FBXO31: variants seen among roughly 807,000 people sequenced by gnomAD.
The protein encoded by FBXO31 is F-box only protein 31.
In FBXO31, 24 loss-of-function variants were observed where a neutral mutation model predicts 54.4. The ratio of observed to expected loss-of-function variants is 0.44; its 90% CI spans 0.32 to 0.62. The LOEUF (loss-of-function observed/expected upper bound fraction) is 0.62. FBXO31 is among the 20% of genes least tolerant of loss of function. FBXO31 has a pLI of 0.05. For missense variants in FBXO31, 665 were observed against 787.1 expected (o/e 0.84, Z 1.86); for synonymous variants, 388 against 335.6 (o/e 1.16, Z -1.71).
chr16:87,350,008 C>T (rs1043848554), intron 2 of FBXO31, among the ~76,000 whole-genome samples: 2 of 152,188 alleles, frequency 1.3e-5, no homozygotes, highest in Non-Finnish European at 2.9e-5. Context: ...GTAATCCCAT[C>T]ACTCAGAGAC....
intron 2 of FBXO31, among the ~76,000 whole-genome samples, chr16:87,354,381 A>G (rs1276943619): frequency 1.3e-5 from 2 of 152,026 alleles, no homozygotes; most frequent in Non-Finnish European, 2.9e-5. Context: ...AGCTGAGGTC[A>G]GTCATCTGAG....
intron 1 of FBXO31, among the ~76,000 whole-genome samples, chr16:87,368,868 C>G (rs999396039): frequency 2.5e-4 from 38 of 152,250 alleles, no homozygotes; most frequent in Non-Finnish European, 4.7e-4. Context: ...GGCACCATCT[C>G]GGCTCACTGC....
chr16:87,383,655 C>G lies in FBXO31; in HGVS notation c.90G>C (p.Ala30=). ...GGTCTGTGTCCGGCTCGCTGTCGGC[C>G]GCCGCCGTCTCGGCCGGGCCCCGGC... The part of the protein sequence containing the change: ...QQRRGPAETA[A]ADSEPDTDPE... Residue 30 remains alanine, a synonymous_variant, in exon 1 of 9, where the codon GCG becomes GCC. Transcript: ENST00000311635. The surrounding 1 kb of genome is among the most constrained non-coding windows in gnomAD (Gnocchi z 4.9). 6.7e-6 allele frequency: 9 copies of G among 1,337,888 alleles called. No homozygotes were observed. Among genetic ancestry groups the G allele is most frequent in the Admixed American group, 3.6e-5 (1 of 28,150 alleles). 82.9% of individuals were successfully genotyped at this position (1,337,888 alleles called of 1,614,324 possible).
At chr16:87,332,428 G>A (rs953232507) in intron 8 of FBXO31, among the ~76,000 whole-genome samples, 3 of 152,212 alleles carry the variant, frequency 2.0e-5, no homozygotes, top group Non-Finnish European at 4.4e-5. Flanking sequence ...GCTGTGACTC[G>A]CAAACTGGCT....
upstream of FBXO31, among the ~76,000 whole-genome samples, chr16:87,390,598 AC>A (rs1907498101): frequency 6.6e-6 from 1 of 150,760 alleles, no homozygotes; most frequent in Non-Finnish European, 1.5e-5. Context: ...CTGCCACCAC[AC>A]CCGGCTAATT....
chr16:87,367,834 G>A (rs539837854), intron 1 of FBXO31: 1 of 152,234 alleles, frequency 6.6e-6, no homozygotes, highest in African/African-American at 2.4e-5. Context: ...TCATAAGCCA[G>A]TCCTCTGCAA....
rs545639145 is a variant in FBXO31, at chr16:87,342,017, G to T, written c.732+860C>A. Among the ~76,000 whole-genome samples, 4 of 152,300 alleles carry T rather than the reference G, an allele frequency of 2.6e-5. No individual in the cohort carries two copies. In the South Asian group the frequency reaches 8.3e-4, roughly 32 times the overall value. On this transcript the variant is annotated intron_variant, in intron 5 of 8. Coordinates refer to ENST00000311635, the MANE Select transcript of FBXO31 (RefSeq NM_024735.5). ...GCTTGAGCCCAGGAGTTTGTGACCA[G>T]CCTGGGCAACATGGCATAACCCCGT...
rs769093772 is a variant in FBXO31 at position 87,347,179 on chromosome 16, C to T, written c.484G>A (p.Val162Met). 1.2e-6 allele frequency: 2 copies of T among 1,613,972 alleles called. No homozygotes were observed. Among genetic ancestry groups the T allele is most frequent in the Non-Finnish European group, 1.7e-6 (2 of 1,179,968 alleles). Residue 162 changes from valine to methionine, a missense_variant, in exon 3 of 9, where the codon GTG (valine) becomes ATG (methionine). By Grantham distance (21) the Val-to-Met change is conservative. This residue lies in a region of FBXO31 where 234 missense variants were observed against 346.8 expected (regional missense o/e 0.67). Transcript: ENST00000311635. ...CGCGAGGCTCCGGGACTTACCACCA[C>T]GTTCAGCAGTCCTCCGTATGGCCCG... ...DIGPYGGLLN[V>M]VVDGLFIIGW...
At chr16:87,357,916 CAA>C (rs796716025) in intron 2 of FBXO31, among the ~76,000 whole-genome samples, 1 of 132,570 alleles carries the variant, frequency 7.5e-6, no homozygotes, top group Non-Finnish European at 1.6e-5. Context: ...GACTCTGCCT[CAA>C]AAAAAAAAAA....
intron 1 of FBXO31, among the ~76,000 whole-genome samples, chr16:87,373,888 T>C (rs1457151487): frequency 6.6e-6 from 1 of 152,226 alleles, no homozygotes; most frequent in Admixed American, 6.5e-5. Flanking sequence ...ATTTTTATCA[T>C]ACAGATCAAA....
At chr16:87,350,794 AG>A (rs1219945764) in intron 2 of FBXO31, among the ~76,000 whole-genome samples, 2 of 151,572 alleles carry the variant, frequency 1.3e-5, no homozygotes, top group Non-Finnish European at 2.9e-5. Context: ...TTTAAGTGCT[AG>A]GAACACTGCC....
rs74711286 is a variant in FBXO31, at chr16:87,363,632, G to A, written c.341-3266C>T. On this transcript the variant is annotated intron_variant, in intron 1 of 8. Coordinates refer to ENST00000311635, the MANE Select transcript of FBXO31 (RefSeq NM_024735.5). The stretch of plus-strand genomic sequence containing the variant: ...CCAGGGTGACTGGCAAGAATGGCAG[G>A]AATAAATAGTTTTTTAATGAAAATC... Among the ~76,000 whole-genome samples, 3 of 119,658 alleles carry A rather than the reference G, an allele frequency of 2.5e-5. No individual in the cohort carries two copies. The East Asian group carries it at 4.3e-3, about 172-fold the overall frequency. The allele number at this position is 119,658 out of a possible 152,430, so 78.5% of individuals were successfully genotyped here.
intron 4 of FBXO31, 131 bp downstream of exon 4, chr16:87,343,467 C>G: frequency 1.8e-6 from 2 of 1,125,502 alleles, no homozygotes; most frequent in East Asian, 5.2e-5. Context: ...CAGGGCAGGG[C>G]GGAGCCTCCC....
Position 87,336,877 on chromosome 16 carries a change from C to T in FBXO31, c.733-613G>A, listed in dbSNP as rs55874541. Among the ~76,000 whole-genome samples, 1,974 of 152,312 alleles carry T rather than the reference C, an allele frequency of 0.013. 46 individuals carry two copies. The highest frequency in any genetic ancestry group is 0.045 in the African/African-American group (1,885 of 41,550). ...CCATCACATGGTGCTGAGGATATTT[C>T]GTGCTTAATGGTTTGATTCTACACA... On this transcript the variant is annotated intron_variant, in intron 5 of 8. Transcript: ENST00000311635. This position sits in a 1 kb window ranked among gnomAD's most constrained non-coding sequence, Gnocchi z 6.5.
intron 1 of FBXO31, among the ~76,000 whole-genome samples, chr16:87,382,738 T>C (rs1194403093): frequency 1.3e-5 from 2 of 152,166 alleles, no homozygotes; most frequent in Non-Finnish European, 2.9e-5. Flanking sequence ...GTTCAAGCCA[T>C]TCTTCTGCCT....
At chr16:87,351,312 C>A (rs998297309) in intron 2 of FBXO31, among the ~76,000 whole-genome samples, 7 of 152,162 alleles carry the variant, frequency 4.6e-5, no homozygotes, top group Non-Finnish European at 1.0e-4. Context: ...GATCTCTATA[C>A]CCTAATGCCT....
Position 87,382,946 on chromosome 16 carries a change from T to C in FBXO31, c.340+459A>G, listed in dbSNP as rs1907148772. Among the ~76,000 whole-genome samples, 4 of 152,258 alleles carry C rather than the reference T, an allele frequency of 2.6e-5. No homozygotes were observed. In the South Asian group the frequency reaches 8.3e-4, roughly 32 times the overall value. Reference sequence around the variant, plus strand: ...ACCGCGCCCGGCCTGCTCCCATTTCTTCAAGTTCACCTCGTCTCTGGTCAG... The same window carrying C: ...ACCGCGCCCGGCCTGCTCCCATTTCCTCAAGTTCACCTCGTCTCTGGTCAG... On this transcript the variant is annotated intron_variant, in intron 1 of 8. Transcript: ENST00000311635.
chr16:87,382,215 C>T (rs1907108316), intron 1 of FBXO31, among the ~76,000 whole-genome samples: 2 of 152,198 alleles, frequency 1.3e-5, no homozygotes, highest in Non-Finnish European at 2.9e-5. Flanking sequence ...GAGTGAAATA[C>T]TATGTAGCAT....
chr16:87,347,373 A>C, intron 2 of FBXO31, 123 bp from the exon 3 acceptor site: 1 of 784,976 alleles, frequency 1.3e-6, no homozygotes, highest in Non-Finnish European at 2.3e-6. Context: ...AGCCCTCCAA[A>C]CACATGCACA....
Sources: allele counts gnomAD v4.1 joint callset (sites outside exome capture counted in the v4.1 genomes callset), GRCh38; gene constraint gnomAD v4.1.1; regional missense constraint gnomAD v4.1.1; non-coding constraint Gnocchi (gnomAD v3.1); transcripts MANE v1.5; gene names NCBI Gene and HGNC (gene_info 2026-07-23, HGNC 2026-07-21).